Variants in EIPR1 observed in about 807,000 individuals in gnomAD.
The protein encoded by EIPR1 is EARP and GARP complex-interacting protein 1.
Under a neutral mutation model 48.1 loss-of-function variants are expected in EIPR1, and 25 were observed. The observed-to-expected ratio is 0.52, with a 90% CI of 0.38 to 0.73. The LOEUF (loss-of-function observed/expected upper bound fraction) is 0.73, where lower values mean the gene tolerates loss of function less well. Among genes scored for constraint, EIPR1 ranks in the 30% least tolerant of loss-of-function variants. The pLI is 0.00. For synonymous variants in EIPR1, 204 were observed against 201.9 expected, an observed-to-expected ratio of 1.01 and a Z score of -0.09; for missense variants, 415 against 506.2, an observed-to-expected ratio of 0.82 and a Z score of 1.73.
intron 8 of EIPR1, among the ~76,000 whole-genome samples, chr2:3,191,438 C>T (rs999671636): frequency 3.9e-5 from 6 of 152,106 alleles, no homozygotes; most frequent in Admixed American, 2.0e-4. Context: ...ATGGTCCCAT[C>T]GCCACTGCAG....
chr2:3,206,126 A>G (rs1403188723), intron 5 of EIPR1, among the ~76,000 whole-genome samples: 1 of 152,168 alleles, frequency 6.6e-6, no homozygotes, highest in African/African-American at 2.4e-5. Flanking sequence ...GAAAAGGAAG[A>G]GGATCTTGGG....
At chr2:3,356,238 C>G (rs528868139) in intron 1 of EIPR1, among the ~76,000 whole-genome samples, 25 of 152,304 alleles carry the variant, frequency 1.6e-4, no homozygotes, top group African/African-American at 5.8e-4. Context: ...TGTGACCTTG[C>G]GCAAAGTGCC....
At chr2:3,349,172 CAGAG>C (rs764546731) in intron 2 of EIPR1, among the ~76,000 whole-genome samples, 5 of 152,252 alleles carry the variant, frequency 3.3e-5, no homozygotes, top group Non-Finnish European at 5.9e-5. Flanking sequence ...GGGAAGCGAG[CAGAG>C]AGAGGCAGAC....
intron 4 of EIPR1, among the ~76,000 whole-genome samples, chr2:3,230,836 T>C (rs1010925043): frequency 1.3e-5 from 2 of 152,238 alleles, no homozygotes; most frequent in African/African-American, 4.8e-5. Context: ...CAAGGTATTT[T>C]GGGGTTCCAT....
At chr2:3,365,537 G>C (rs1670951512) in intron 1 of EIPR1, among the ~76,000 whole-genome samples, 1 of 151,014 alleles carries the variant, frequency 6.6e-6, no homozygotes, top group African/African-American at 2.4e-5. Flanking sequence ...CTCGCAGAGG[G>C]GGATTTGGCA....
intron 3 of EIPR1, among the ~76,000 whole-genome samples, chr2:3,307,383 G>C (rs934486157): frequency 3.9e-5 from 6 of 152,226 alleles, no homozygotes; most frequent in African/African-American, 1.2e-4. Context: ...CCAAGCCAGA[G>C]GTAGAGGGCA....
intron 4 of EIPR1, among the ~76,000 whole-genome samples, chr2:3,247,376 C>T (rs1666866310): frequency 6.6e-6 from 1 of 152,152 alleles, no homozygotes; most frequent in Admixed American, 6.5e-5. Flanking sequence ...TCTTTATCAT[C>T]AAAGGGCGAT....
At chr2:3,223,794 G>A (rs1665973902) in intron 4 of EIPR1, among the ~76,000 whole-genome samples, 1 of 152,084 alleles carries the variant, frequency 6.6e-6, no homozygotes, top group African/African-American at 2.4e-5. Context: ...CTGAGGGCTG[G>A]AACGGCATGG....
chr2:3,263,398 C>T (rs1022371844), intron 3 of EIPR1, among the ~76,000 whole-genome samples: 1 of 152,176 alleles, frequency 6.6e-6, no homozygotes, highest in Non-Finnish European at 1.5e-5. Flanking sequence ...GGAAGAAGTT[C>T]ATCCGACACT....
intron 5 of EIPR1, among the ~76,000 whole-genome samples, chr2:3,213,004 T>C (rs9789653): frequency 0.91 from 138,930 of 152,180 alleles, 63,773 homozygotes; most frequent in East Asian, 0.98. Flanking sequence ...TTAATAATGA[T>C]GCATCATTAT....
chr2:3,359,013 GCAT>G (rs994277027), intron 1 of EIPR1, among the ~76,000 whole-genome samples: 5 of 152,224 alleles, frequency 3.3e-5, no homozygotes, highest in African/African-American at 1.2e-4. Flanking sequence ...TGCTGTGGAG[GCAT>G]CAAAGAGGTA....
At chr2:3,339,759 A>G (rs1462103491) in intron 2 of EIPR1, among the ~76,000 whole-genome samples, 1 of 152,158 alleles carries the variant, frequency 6.6e-6, no homozygotes, top group Non-Finnish European at 1.5e-5. Flanking sequence ...GACCAGCCTG[A>G]CCACCACAGT....
intron 3 of EIPR1, among the ~76,000 whole-genome samples, chr2:3,267,199 C>T (rs1211482052): frequency 6.6e-6 from 1 of 152,228 alleles, no homozygotes; most frequent in Non-Finnish European, 1.5e-5. Flanking sequence ...TTGGAATAGG[C>T]AGACCTAGCA....
At chr2:3,232,118 T>C (rs1666261705) in intron 4 of EIPR1, among the ~76,000 whole-genome samples, 1 of 152,224 alleles carries the variant, frequency 6.6e-6, no homozygotes, top group Non-Finnish European at 1.5e-5. Context: ...CGCATAATTG[T>C]TCACAGTAGT....
chr2:3,329,854 A>T (rs1298836783), intron 3 of EIPR1, among the ~76,000 whole-genome samples: 3 of 150,648 alleles, frequency 2.0e-5, no homozygotes, highest in Non-Finnish European at 1.5e-5. Context: ...TTCCATGACC[A>T]CTCTCTAATG....
At chr2:3,282,161 A>G (rs1344929455) in intron 3 of EIPR1, among the ~76,000 whole-genome samples, 1 of 152,264 alleles carries the variant, frequency 6.6e-6, no homozygotes, top group African/African-American at 2.4e-5. Context: ...ACCAGCCAAC[A>G]GGAGAGCCAA....
At chr2:3,271,501 G>C (rs1667700608) in intron 3 of EIPR1, among the ~76,000 whole-genome samples, 1 of 152,220 alleles carries the variant, frequency 6.6e-6, no homozygotes, top group Non-Finnish European at 1.5e-5. Flanking sequence ...TGTGCTAGCA[G>C]GCATGAAAAC....
rs765955994 is a variant in EIPR1, at chr2:3,192,418, C to T, written c.985G>A (p.Glu329Lys). The T allele has an allele frequency of 6.2e-7, 1 of 1,610,080 alleles. No individual in the cohort carries two copies. Among genetic ancestry groups the T allele is most frequent in the East Asian group, 2.2e-5 (1 of 44,742 alleles). The change falls in exon 8 of 9, where the codon GAG (glutamate) becomes AAG (lysine). Residue 329 changes from glutamate (E) to lysine (K), a missense_variant. Coordinates refer to ENST00000382125, the MANE Select transcript of EIPR1 (RefSeq NM_003310.5). ...CTCTGCAGTGCGTGCCCTTACTTCT[C>T]TTCAGAACGGTGGTCCTCCTGGTCA... ...ISDQEDHRSEEKSKEPLQDNV... is the reference protein window; with the variant it reads ...ISDQEDHRSEKKSKEPLQDNV...
chr2:3,209,846 G>A (rs1399176338), intron 5 of EIPR1, among the ~76,000 whole-genome samples: 3 of 152,164 alleles, frequency 2.0e-5, no homozygotes, highest in Non-Finnish European at 4.4e-5. Context: ...TGAAAAGATC[G>A]GGCTTGCCAG....
Sources: gnomAD v4.1 joint callset for allele counts (sites outside exome capture counted in the v4.1 genomes callset) on GRCh38, gnomAD v4.1.1 for gene constraint, MANE v1.5 for transcripts, NCBI Gene and HGNC (gene_info 2026-07-23, HGNC 2026-07-21) for gene names.